Variants in HIBADH observed in about 807,000 individuals in gnomAD.
The protein encoded by HIBADH is 3-hydroxyisobutyrate dehydrogenase, mitochondrial.
Under a neutral mutation model 36.1 loss-of-function variants are expected in HIBADH, and 25 were observed. That is an observed-to-expected ratio of 0.69 (90% confidence interval 0.50 to 0.97). HIBADH has a LOEUF of 0.97. HIBADH is among the 50% of genes least tolerant of loss of function. The pLI is 0.00. For synonymous variants in HIBADH, 160 were observed against 149.5 expected, an observed-to-expected ratio of 1.07 and a Z score of -0.51; for missense variants, 421 against 418.0, an observed-to-expected ratio of 1.01 and a Z score of -0.06.
At chr7:27,661,873 T>C (rs1786428229) in intron 1 of HIBADH, among the ~76,000 whole-genome samples, 1 of 152,170 alleles carries the variant, frequency 6.6e-6, no homozygotes. Context: ...TTTCTAGGTC[T>C]TGCTGGGAAT....
intron 4 of HIBADH, among the ~76,000 whole-genome samples, chr7:27,564,419 G>C (rs966452818): frequency 1.3e-5 from 2 of 151,940 alleles, no homozygotes; most frequent in African/African-American, 4.8e-5. Flanking sequence ...TTTATCATTT[G>C]TCGAAAAGAC....
At chr7:27,535,418 A>G (rs1784058546) in intron 6 of HIBADH, among the ~76,000 whole-genome samples, 1 of 152,154 alleles carries the variant, frequency 6.6e-6, no homozygotes, top group Non-Finnish European at 1.5e-5. Context: ...ACAGCTTTCC[A>G]GAAGTTCAGC....
chr7:27,603,974 T>C (rs1785175200), intron 4 of HIBADH, among the ~76,000 whole-genome samples: 1 of 152,088 alleles, frequency 6.6e-6, no homozygotes, highest in African/African-American at 2.4e-5. Context: ...CCAACACACA[T>C]ACATAAAATA....
chr7:27,644,314 A>T (rs567197452), intron 2 of HIBADH, among the ~76,000 whole-genome samples: 2 of 151,860 alleles, frequency 1.3e-5, no homozygotes, highest in African/African-American at 4.8e-5. Flanking sequence ...AAATACAAAA[A>T]ATTGGCCGGG....
At chr7:27,594,134 A>T (rs1182582711) in intron 4 of HIBADH, among the ~76,000 whole-genome samples, 1 of 122,590 alleles carries the variant, frequency 8.2e-6, no homozygotes, top group Admixed American at 9.0e-5. Flanking sequence ...TGTTACATAA[A>T]GATGTTTTTG....
At chr7:27,570,760 T>C (rs1015084890) in intron 4 of HIBADH, among the ~76,000 whole-genome samples, 4 of 152,334 alleles carry the variant, frequency 2.6e-5, no homozygotes, top group African/African-American at 9.6e-5. Context: ...TGTTCTTTTA[T>C]AGGTAATGTG....
At chr7:27,534,153 G>C (rs1190465623) in intron 6 of HIBADH, among the ~76,000 whole-genome samples, 3 of 152,118 alleles carry the variant, frequency 2.0e-5, no homozygotes, top group Non-Finnish European at 2.9e-5. Context: ...TAAAAATAAT[G>C]CATAAACTGC....
chr7:27,650,460 TTTTATTTATTTATTTATTTATTTA>T (rs148153152), intron 1 of HIBADH, among the ~76,000 whole-genome samples: 9 of 140,204 alleles, frequency 6.4e-5, no homozygotes, highest in African/African-American at 2.1e-4. Context: ...CTTATTATAT[TTTTATTTATTTATTTATTTATTTA>T]TTTATTTATT....
intron 4 of HIBADH, among the ~76,000 whole-genome samples, chr7:27,563,937 C>T (rs13228800): frequency 0.13 from 17,733 of 138,116 alleles, 1,241 homozygotes; most frequent in Middle Eastern, 0.23. Context: ...CTGGCTCTGT[C>T]GCCCAGGCTG....
At chr7:27,644,809 C>A in intron 2 of HIBADH, among the ~76,000 whole-genome samples, 1 of 151,780 alleles carries the variant, frequency 6.6e-6, no homozygotes, top group Non-Finnish European at 1.5e-5. Flanking sequence ...AGCTATCATT[C>A]CTCTATGCCC....
At chr7:27,540,736 C>T (rs984624264) in intron 5 of HIBADH, among the ~76,000 whole-genome samples, 6 of 152,176 alleles carry the variant, frequency 3.9e-5, no homozygotes, top group African/African-American at 1.2e-4. Flanking sequence ...GAATTAGGGG[C>T]GTTATGTTTA....
At chr7:27,622,685 T>C (rs973255679) in intron 4 of HIBADH, among the ~76,000 whole-genome samples, 1 of 151,908 alleles carries the variant, frequency 6.6e-6, no homozygotes, top group African/African-American at 2.4e-5. Context: ...CTACAGGAAA[T>C]GAAAAATTTC....
In HIBADH at chr7:27,662,723, C is replaced by G. The variant is rs1298471359; in HGVS notation, c.66G>C (p.Arg22=). ...CCGCTGCAAAGCTGCCGGCTGCCGG[C>G]CGCAGCCGCCGGCTCCAGTACCGGA... ...SGLRYWSRRL[R]PAAGSFAAVC... Residue 22 remains arginine, a synonymous_variant, in exon 1 of 8, where the codon CGG becomes CGC. Transcript: ENST00000265395. 2 of 1,384,558 alleles carry G rather than the reference C, an allele frequency of 1.4e-6. No individual in the cohort carries two copies. Among genetic ancestry groups the G allele is most frequent in the African/African-American group, 1.5e-5 (1 of 65,748 alleles). 85.8% of individuals were successfully genotyped at this position (1,384,558 alleles called of 1,614,324 possible). A position where few individuals can be genotyped will look rare whatever the true frequency, so the allele number is the denominator to read the frequency against.
chr7:27,633,028 A>C (rs1170862318), intron 2 of HIBADH, among the ~76,000 whole-genome samples: 5 of 152,188 alleles, frequency 3.3e-5, no homozygotes, highest in African/African-American at 1.2e-4. Context: ...TACTACAATG[A>C]CTGCAAGTAC....
At chr7:27,654,727 C>T (rs907259302) in intron 1 of HIBADH, among the ~76,000 whole-genome samples, 2 of 149,462 alleles carry the variant, frequency 1.3e-5, no homozygotes, top group East Asian at 3.9e-4. Flanking sequence ...CTCACTCTGT[C>T]GCCCAGGCTA....
chr7:27,575,853 A>G (rs570227136), intron 4 of HIBADH, among the ~76,000 whole-genome samples: 1 of 152,380 alleles, frequency 6.6e-6, no homozygotes, highest in South Asian at 2.1e-4. Context: ...TCTGGGCTGG[A>G]CAGCCTGAAG....
chr7:27,541,950 CTAGAGT>C (rs1583560297), intron 5 of HIBADH, among the ~76,000 whole-genome samples: 1 of 152,148 alleles, frequency 6.6e-6, no homozygotes, highest in Non-Finnish European at 1.5e-5. Context: ...TACAGTATTA[CTAGAGT>C]TAATTTTATG....
At chr7:27,636,097 G>A (rs1785836800) in intron 2 of HIBADH, among the ~76,000 whole-genome samples, 1 of 151,976 alleles carries the variant, frequency 6.6e-6, no homozygotes, top group Non-Finnish European at 1.5e-5. Context: ...TGAGGAGGGG[G>A]GTGAAGAGCC....
chr7:27,614,363 A>G (rs1223095088), intron 4 of HIBADH, among the ~76,000 whole-genome samples: 3 of 152,226 alleles, frequency 2.0e-5, no homozygotes, highest in Non-Finnish European at 2.9e-5. Flanking sequence ...CACTTCACAG[A>G]GAGGTAAATA....
Sources: gnomAD v4.1 joint callset for allele counts (sites outside exome capture counted in the v4.1 genomes callset) on GRCh38, gnomAD v4.1.1 for gene constraint, MANE v1.5 for transcripts, NCBI Gene and HGNC (gene_info 2026-07-23, HGNC 2026-07-21) for gene names.